The following RGS6 variants were observed in gnomAD, a reference collection of about 807,000 sequenced individuals.
RGS6 encodes the protein regulator of G-protein signaling 6.
RGS6 carries 30 observed loss-of-function variants against 78.5 expected under a neutral mutation model. The observed-to-expected ratio is 0.38, with a 90% CI of 0.29 to 0.52. The LOEUF (loss-of-function observed/expected upper bound fraction) is 0.52, where lower values mean the gene tolerates loss of function less well. RGS6 is among the 20% of genes least tolerant of loss of function. RGS6 has a pLI of 0.85. For missense variants in RGS6, 495 were observed against 609.7 expected (o/e 0.81, Z 1.98); for synonymous variants, 206 against 206.0 (o/e 1.00, Z 0.00).
At chr14:72,232,058 A>G (rs1450029995) in intron 2 of RGS6, among the ~76,000 whole-genome samples, 1 of 152,242 alleles carries the variant, frequency 6.6e-6, no homozygotes. Context: ...GAAGGAGACC[A>G]GTGGGAAACT....
intron 2 of RGS6, among the ~76,000 whole-genome samples, chr14:72,187,075 C>A (rs920377553): frequency 2.0e-5 from 3 of 152,116 alleles, no homozygotes; most frequent in Admixed American, 1.3e-4. Flanking sequence ...AACAGGAAAG[C>A]CCTCAAAAGC....
intron 2 of RGS6, among the ~76,000 whole-genome samples, chr14:72,211,158 T>A (rs751098921): frequency 1.3e-5 from 2 of 152,208 alleles, no homozygotes; most frequent in Admixed American, 6.5e-5. Flanking sequence ...TCAGAAAAGA[T>A]GTCCAGAGAC....
intron 2 of RGS6, among the ~76,000 whole-genome samples, chr14:72,314,681 C>A (rs907987766): frequency 6.6e-6 from 1 of 152,208 alleles, no homozygotes. Flanking sequence ...CCACATTGCT[C>A]TTCTTTTAAA....
intron 2 of RGS6, among the ~76,000 whole-genome samples, chr14:72,295,408 C>T (rs1241888179): frequency 4.6e-5 from 7 of 152,100 alleles, no homozygotes; most frequent in African/African-American, 1.7e-4. Context: ...ACAAGGAGTG[C>T]CCTCAGTAAC....
At chr14:71,894,621 G>A in the RGS6 span, among the ~76,000 whole-genome samples, 1 of 152,090 alleles carries the variant, frequency 6.6e-6, no homozygotes, top group African/African-American at 2.4e-5. Context: ...TTCTCTTGGG[G>A]TTTGCTTTGG....
chr14:72,493,001 C>T (rs1185140905), intron 12 of RGS6, among the ~76,000 whole-genome samples: 4 of 152,098 alleles, frequency 2.6e-5, no homozygotes, highest in Non-Finnish European at 4.4e-5. Flanking sequence ...GAAAAATAGA[C>T]GCCCCAGAGG....
chr14:72,107,022 G>A (rs2095647924), intron 2 of RGS6, among the ~76,000 whole-genome samples: 1 of 152,008 alleles, frequency 6.6e-6, no homozygotes, highest in Non-Finnish European at 1.5e-5. Flanking sequence ...TACTTAGATC[G>A]ATTGAGAGAA....
At chr14:72,246,917 AAAAAAAT>A (rs1187734536) in intron 2 of RGS6, among the ~76,000 whole-genome samples, 1 of 152,060 alleles carries the variant, frequency 6.6e-6, no homozygotes, top group Non-Finnish European at 1.5e-5. Context: ...AAAAAAAAAA[AAAAAAAT>A]TATTGAAGAC....
At chr14:72,542,493 T>C (rs534191015) in intron 17 of RGS6, among the ~76,000 whole-genome samples, 1 of 152,346 alleles carries the variant, frequency 6.6e-6, no homozygotes, top group Non-Finnish European at 1.5e-5. Flanking sequence ...TACTGCAAGC[T>C]ATAAAACTAA....
At chr14:72,626,301 A>T in the RGS6 span, among the ~76,000 whole-genome samples, 1 of 151,912 alleles carries the variant, frequency 6.6e-6, no homozygotes, top group Non-Finnish European at 1.5e-5. Context: ...TCTCTACCCC[A>T]TTCTCCCAGA....
chr14:71,893,710 G>C, the RGS6 span, among the ~76,000 whole-genome samples: 126,335 of 152,146 alleles, frequency 0.83, 52,650 homozygotes, highest in African/African-American at 0.85. Context: ...CATGTGCATT[G>C]GATAAATACA....
chr14:72,547,315 A>G, intron 17 of RGS6: 1 of 1,535,610 alleles, frequency 6.5e-7, no homozygotes. Flanking sequence ...CAGACTGGAA[A>G]GTTCAAAGAG....
intron 3 of RGS6, among the ~76,000 whole-genome samples, chr14:72,423,772 A>T (rs1172087189): frequency 6.6e-6 from 1 of 152,236 alleles, no homozygotes; most frequent in African/African-American, 2.4e-5. Context: ...CCTCAGCGAC[A>T]TGCAATTTAT....
At chr14:72,036,240 G>A (rs1446743457) in intron 2 of RGS6, among the ~76,000 whole-genome samples, 1 of 133,576 alleles carries the variant, frequency 7.5e-6, no homozygotes, top group Non-Finnish European at 1.7e-5. Flanking sequence ...TGGCTGAGCA[G>A]AATTCCACTG....
chr14:72,207,000 C>CT (rs1214509603), intron 2 of RGS6, among the ~76,000 whole-genome samples: 4 of 152,068 alleles, frequency 2.6e-5, no homozygotes, highest in Non-Finnish European at 4.4e-5. Flanking sequence ...GCTGTGTATC[C>CT]TTGCATATTG....
intron 2 of RGS6, among the ~76,000 whole-genome samples, chr14:72,351,602 A>G (rs1051649155): frequency 3.9e-5 from 6 of 152,134 alleles, no homozygotes; most frequent in African/African-American, 1.2e-4. Flanking sequence ...CTCTAGATGT[A>G]TCCTTCTCTA....
the RGS6 span, among the ~76,000 whole-genome samples, chr14:71,909,603 G>A: frequency 1.9e-5 from 1 of 51,688 alleles, no homozygotes; most frequent in Admixed American, 1.8e-4. Flanking sequence ...AGAGACAGAG[G>A]AGAGAAAGGA....
chr14:72,541,606 A>T (rs922641093), intron 17 of RGS6: 7 of 1,535,624 alleles, frequency 4.6e-6, no homozygotes, highest in Non-Finnish European at 6.1e-6. Context: ...TCACTCCATG[A>T]TGGCCTGAGA....
At chr14:72,001,579 T>A (rs1393806203) in intron 2 of RGS6, among the ~76,000 whole-genome samples, 1 of 151,718 alleles carries the variant, frequency 6.6e-6, no homozygotes, top group African/African-American at 2.4e-5. Context: ...CTCTAGAGTT[T>A]CAGATGGAAA....
Sources: gnomAD v4.1 joint callset for allele counts (sites outside exome capture counted in the v4.1 genomes callset) on GRCh38, gnomAD v4.1.1 for gene constraint, MANE v1.5 for transcripts, NCBI Gene and HGNC (gene_info 2026-07-23, HGNC 2026-07-21) for gene names.